The following GATAD2A variants were observed in gnomAD, a reference collection of about 807,000 sequenced individuals.
GATAD2A encodes the protein GATA zinc finger domain containing 2A, also known as transcriptional repressor p66-alpha.
A neutral mutation model predicts 68.5 loss-of-function variants in GATAD2A; 12 were observed. That is an observed-to-expected ratio of 0.18 (90% CI 0.11 to 0.28). GATAD2A has a LOEUF of 0.28. Ranked by LOEUF, GATAD2A falls within the 10% of genes least tolerant of loss-of-function variation. The pLI, the probability that GATAD2A is intolerant of heterozygous loss-of-function variation, is 1.00. For missense variants in GATAD2A, 755 were observed against 868.5 expected (o/e 0.87, Z 1.64); for synonymous variants, 410 against 375.3 (o/e 1.09, Z -1.07).
intron 4 of GATAD2A, 67 bp downstream of exon 4, chr19:19,492,779 C>G: frequency 6.5e-7 from 1 of 1,540,414 alleles, no homozygotes; most frequent in South Asian, 1.1e-5. Flanking sequence ...ATCCCCTCAT[C>G]AATGTCAGCG....
intron 1 of GATAD2A, among the ~76,000 whole-genome samples, chr19:19,441,321 T>C (rs905205699): frequency 6.6e-6 from 1 of 152,210 alleles, no homozygotes; most frequent in African/African-American, 2.4e-5. Context: ...AAGTAAGTAA[T>C]GTCATTAAGA....
intron 1 of GATAD2A, among the ~76,000 whole-genome samples, chr19:19,460,725 G>T (rs2057355149): frequency 6.6e-6 from 1 of 152,152 alleles, no homozygotes; most frequent in Non-Finnish European, 1.5e-5. Context: ...ACCCCCTCCG[G>T]AGTGCCCCAA....
chr19:19,438,909 A>C (rs1172456183), intron 1 of GATAD2A, among the ~76,000 whole-genome samples: 1 of 152,284 alleles, frequency 6.6e-6, no homozygotes. Flanking sequence ...TGTGTAAGAC[A>C]GCCCAGCATA....
chr19:19,387,362 C>A (rs1306540849), intron 1 of GATAD2A, among the ~76,000 whole-genome samples: 2 of 151,458 alleles, frequency 1.3e-5, no homozygotes, highest in East Asian at 3.9e-4. Flanking sequence ...TTCCGTCTCC[C>A]AGGCTGGAGT....
chr19:19,485,808 A>G lies in GATAD2A; in HGVS notation c.270-6498A>G, dbSNP rs1470909676. On this transcript the variant is annotated intron_variant, in intron 2 of 11. Coordinates refer to ENST00000683918, the MANE Select transcript of GATAD2A (RefSeq NM_001384528.1). ...TGGTGTACAGGGTTTGTCAGCCATG[A>G]GTATTAGGGCTCCTTCTTCATATCC... is the stretch of plus-strand genomic sequence containing the variant. 2.0e-5 allele frequency among the ~76,000 whole-genome samples: 3 copies of G among 152,198 alleles called. No individual in the cohort carries two copies. In the East Asian group the frequency reaches 5.8e-4, roughly 29 times the overall value.
intron 2 of GATAD2A, among the ~76,000 whole-genome samples, chr19:19,470,146 TTTTTTTTTG>T (rs1275966081): frequency 3.7e-5 from 5 of 135,544 alleles, no homozygotes; most frequent in Admixed American, 1.5e-4. Flanking sequence ...CGACTTTATT[TTTTTTTTTG>T]TTTTTTTTTT....
At chr19:19,452,617 C>T (rs979456320) in intron 1 of GATAD2A, among the ~76,000 whole-genome samples, 1 of 151,654 alleles carries the variant, frequency 6.6e-6, no homozygotes, top group Non-Finnish European at 1.5e-5. Context: ...AATTGAAGGA[C>T]CAAGGCAGGG....
chr19:19,416,603 T>C (rs1292962710), intron 1 of GATAD2A, among the ~76,000 whole-genome samples: 1 of 152,172 alleles, frequency 6.6e-6, no homozygotes, highest in Non-Finnish European at 1.5e-5. Flanking sequence ...ACACTCACCT[T>C]CTATGAAGTT....
At chr19:19,417,638 GT>G (rs2051819282) in intron 1 of GATAD2A, among the ~76,000 whole-genome samples, 1 of 152,194 alleles carries the variant, frequency 6.6e-6, no homozygotes, top group Non-Finnish European at 1.5e-5. Context: ...ACAGGAGACT[GT>G]TCATACTTCA....
At chr19:19,495,069 G>T (rs2060053209) in intron 5 of GATAD2A, among the ~76,000 whole-genome samples, 1 of 150,014 alleles carries the variant, frequency 6.7e-6, no homozygotes, top group South Asian at 2.1e-4. Flanking sequence ...GATCTCAGCT[G>T]ACTGTAGCCT....
chr19:19,502,144 T>G (rs1011492555), intron 10 of GATAD2A, 101 bp downstream of exon 10: 3 of 965,344 alleles, frequency 3.1e-6, no homozygotes, highest in Non-Finnish European at 4.8e-6. Context: ...TGTCTCTCCC[T>G]GTTTCTGTTT....
intron 1 of GATAD2A, among the ~76,000 whole-genome samples, chr19:19,425,960 G>T (rs1225781564): frequency 3.3e-5 from 5 of 152,020 alleles, no homozygotes; most frequent in Non-Finnish European, 7.4e-5. Flanking sequence ...GCTAATTTTT[G>T]TATTTTTTGT....
At chr19:19,391,350 C>G (rs1324870511) in intron 1 of GATAD2A, among the ~76,000 whole-genome samples, 1 of 152,106 alleles carries the variant, frequency 6.6e-6, no homozygotes, top group Non-Finnish European at 1.5e-5. Context: ...CTTTCTTTCT[C>G]TCTTTCATGC....
rs377322158 is a variant in GATAD2A, at chr19:19,498,481, C to G, written c.963C>G (p.Ser321=). 1.6e-5 allele frequency: 25 copies of G among 1,612,552 alleles called. No homozygotes were observed. The highest frequency in any genetic ancestry group is 2.1e-5 in the Non-Finnish European group (25 of 1,178,820). Residue 321 remains serine (S), a synonymous_variant, in exon 8 of 12, where the codon TCC becomes TCG. Transcript: ENST00000683918. ...CACTGAAGGGGACAACAGCCACCTCCGCTCAGGCCAACTCCACCCCCACTA... is the reference window on the plus strand; with the variant it reads ...CACTGAAGGGGACAACAGCCACCTCGGCTCAGGCCAACTCCACCCCCACTA... ...PASLKGTTAT[S]AQANSTPTSV...
chr19:19,440,977 TTTCCTTCCTTTCCTTCCCTTCCTTCCC>T (rs2054986726), intron 1 of GATAD2A, among the ~76,000 whole-genome samples: 23 of 113,332 alleles, frequency 2.0e-4, no homozygotes, highest in South Asian at 1.5e-3. Context: ...CTTTCCTTCC[TTTCCTTCCTTTCCTTCCCTTCCTTCCC>T]TTCCTTCCCT....
intron 2 of GATAD2A, among the ~76,000 whole-genome samples, chr19:19,484,782 C>G (rs2059321386): frequency 6.6e-6 from 1 of 152,158 alleles, no homozygotes; most frequent in South Asian, 2.1e-4. Context: ...ATCCGCCCAC[C>G]TCGGCCTCCC....
intron 1 of GATAD2A, among the ~76,000 whole-genome samples, chr19:19,407,999 T>G (rs538537102): frequency 6.6e-6 from 1 of 152,256 alleles, no homozygotes; most frequent in East Asian, 1.9e-4. Context: ...ATGCAGTGTG[T>G]TTTGTTTGTT....
intron 2 of GATAD2A, among the ~76,000 whole-genome samples, chr19:19,482,106 CA>C (rs1031544482): frequency 6.0e-5 from 9 of 150,458 alleles, no homozygotes; most frequent in Admixed American, 6.0e-4. Context: ...GACCCTGTCT[CA>C]AAAAAAATAA....
At chr19:19,452,284 G>A (rs1472446692) in intron 1 of GATAD2A, among the ~76,000 whole-genome samples, 1 of 152,060 alleles carries the variant, frequency 6.6e-6, no homozygotes, top group Non-Finnish European at 1.5e-5. Flanking sequence ...GGCTTCCCTG[G>A]ATCCCACAGC....
Sources: allele counts gnomAD v4.1 joint callset (sites outside exome capture counted in the v4.1 genomes callset), GRCh38; gene constraint gnomAD v4.1.1; transcripts MANE v1.5; gene names NCBI Gene and HGNC (gene_info 2026-07-23, HGNC 2026-07-21).